MEMO1: variants seen among roughly 807,000 people sequenced by gnomAD.
The protein encoded by MEMO1 is mediator of cell motility 1.
In MEMO1, 6 loss-of-function variants were observed where a neutral mutation model predicts 45.2. The ratio of observed to expected loss-of-function variants is 0.13; its 90% CI spans 0.07 to 0.26. The LOEUF (loss-of-function observed/expected upper bound fraction) is 0.26, where lower values mean the gene tolerates loss of function less well. MEMO1 is among the 10% of genes least tolerant of loss of function. MEMO1 has a pLI of 1.00. For missense variants in MEMO1, 184 were observed against 370.5 expected (o/e 0.50, Z 4.13); for synonymous variants, 78 against 124.3 (o/e 0.63, Z 2.48).
At chr2:31,916,454 T>G (rs1681460916) in intron 6 of MEMO1, among the ~76,000 whole-genome samples, 1 of 152,156 alleles carries the variant, frequency 6.6e-6, no homozygotes, top group African/African-American at 2.4e-5. Flanking sequence ...GTCTTGAACT[T>G]CTGGGCTCAA....
chr2:32,003,090 A>G (rs1323782121), intron 2 of MEMO1, among the ~76,000 whole-genome samples: 1 of 152,186 alleles, frequency 6.6e-6, no homozygotes, highest in Non-Finnish European at 1.5e-5. Flanking sequence ...TTTCCCACAC[A>G]CCAAGATGTA....
rs183789123 is a variant in MEMO1 at position 31,970,926 on chromosome 2, C to T, written c.62-27543G>A. On this transcript the variant is annotated intron_variant, in intron 2 of 9. Coordinates refer to ENST00000404530, the MANE Select transcript of MEMO1 (RefSeq NM_001301833.4). ...GGCTGAAACAGGAAAATCACTTGAACCCAGAAGGTGGAGGTTGCAGTGAGC... is the reference window on the plus strand; with the variant it reads ...GGCTGAAACAGGAAAATCACTTGAATCCAGAAGGTGGAGGTTGCAGTGAGC... 5.9e-3 allele frequency among the ~76,000 whole-genome samples: 892 copies of T among 152,288 alleles called. 8 individuals are homozygous for T. The highest frequency in any genetic ancestry group is 0.011 in the Non-Finnish European group (723 of 68,032).
At position 31,962,566 on chromosome 2, in the gene MEMO1, A is replaced by G. The variant is rs373238702; in HGVS notation, c.62-19183T>C. Among the ~76,000 whole-genome samples the G allele has an allele frequency of 5.9e-5, 9 of 152,338 alleles. No homozygotes were observed. In the East Asian group the frequency reaches 1.7e-3, roughly 29 times the overall value. ...AGTAAACACCAAAAACCTCCTTCCC[A>G]AAAGTGAGAAAAGGCATCTAAAAAT... is the stretch of plus-strand genomic sequence containing the variant. On this transcript the variant is annotated intron_variant, in intron 2 of 9. Coordinates refer to ENST00000404530, the MANE Select transcript of MEMO1 (RefSeq NM_001301833.4).
intron 2 of MEMO1, among the ~76,000 whole-genome samples, chr2:31,971,641 A>T (rs1163787378): frequency 6.6e-6 from 1 of 152,124 alleles, no homozygotes; most frequent in Admixed American, 6.5e-5. Flanking sequence ...CTTGCAAAGT[A>T]GCTGGAACTA....
chr2:31,907,587 G>A lies in MEMO1; in HGVS notation c.437+10339C>T, dbSNP rs186110244. The stretch of plus-strand genomic sequence containing the variant: ...AGGCAGGCAGATCACTTGAGCCCAG[G>A]AGTTCAAGATCAGCCTGGGCAACAT... On this transcript the variant is annotated intron_variant, in intron 6 of 9. Transcript: ENST00000404530. Among the ~76,000 whole-genome samples the A allele has an allele frequency of 6.6e-5, 10 of 152,244 alleles. No homozygotes were observed. In the East Asian group the frequency reaches 9.6e-4, roughly 15 times the overall value.
rs1308507998 is a variant in MEMO1 at position 31,868,287 on chromosome 2, C to T, written c.*74G>A. ...AATCCCCCCAAACCAGGACCAGTAT[C>T]GTGGTAAAGGCTAGGCTGGGACCCC... On this transcript the variant is annotated 3_prime_UTR_variant, in exon 10 of 10. Coordinates refer to ENST00000404530, the MANE Select transcript of MEMO1 (RefSeq NM_001301833.4). 2.9e-6 allele frequency: 4 copies of T among 1,358,930 alleles called. No individual in the cohort carries two copies. The highest frequency in any genetic ancestry group is 3.8e-6 in the Non-Finnish European group (4 of 1,048,484). 84.2% of individuals were successfully genotyped at this position (1,358,930 alleles called of 1,614,324 possible).
chr2:31,868,933 G>A (rs576685661), intron 9 of MEMO1, among the ~76,000 whole-genome samples: 2 of 152,152 alleles, frequency 1.3e-5, no homozygotes, highest in South Asian at 2.1e-4. Flanking sequence ...TTTAATTGTC[G>A]ATTGGTTCAG....
intron 2 of MEMO1, among the ~76,000 whole-genome samples, chr2:31,995,421 T>A (rs577685086): frequency 6.6e-6 from 1 of 152,166 alleles, no homozygotes; most frequent in African/African-American, 2.4e-5. Context: ...ACCACTGCAC[T>A]CCAGCCTGGG....
At chr2:31,998,171 C>G (rs1049410890) in intron 2 of MEMO1, among the ~76,000 whole-genome samples, 1 of 152,130 alleles carries the variant, frequency 6.6e-6, no homozygotes, top group Admixed American at 6.5e-5. Flanking sequence ...ATGTGCCAAC[C>G]ACACCTGGCT....
rs180708596 is a variant in MEMO1 at position 31,912,062 on chromosome 2, G to A, written c.437+5864C>T. ...TAAAAAGCAATTATAGGCTGGGAGC[G>A]GTGGGTCACACCTATAACCCTAGCA... On this transcript the variant is annotated intron_variant, in intron 6 of 9. Transcript: ENST00000404530. Among the ~76,000 whole-genome samples, 243 of 152,230 alleles carry A rather than the reference G, an allele frequency of 1.6e-3. 1 individual carries two copies. The highest frequency in any genetic ancestry group is 5.3e-3 in the African/African-American group (222 of 41,548).
chr2:31,980,621 T>A (rs188014154), intron 2 of MEMO1, among the ~76,000 whole-genome samples: 35 of 152,276 alleles, frequency 2.3e-4, no homozygotes, highest in Non-Finnish European at 4.7e-4. Flanking sequence ...TAAGATGATA[T>A]AGGATACAGT....
chr2:31,968,344 T>C (rs569227327), intron 2 of MEMO1, among the ~76,000 whole-genome samples: 5 of 152,316 alleles, frequency 3.3e-5, no homozygotes, highest in Admixed American at 3.3e-4. Flanking sequence ...GACCCAAAGA[T>C]GTCTACACCC....
In MEMO1 at chr2:31,918,085, C is replaced by T. The variant is rs1220794936; in HGVS notation, c.326-48G>A. On this transcript the variant is annotated intron_variant, in intron 5 of 9. Transcript: ENST00000404530. ...TAAAATAAATATATTAATGTATATC[C>T]TTATCCTGTGAGATTCCACCCAGTA... 8.3e-6 allele frequency: 11 copies of T among 1,327,998 alleles called. No individual in the cohort carries two copies. In the Admixed American group the frequency reaches 1.7e-4, roughly 21 times the overall value. The allele number at this position is 1,327,998 out of a possible 1,614,324, so 82.3% of individuals were successfully genotyped here. A position where few individuals can be genotyped will look rare whatever the true frequency, so the allele number is the denominator to read the frequency against.
intron 4 of MEMO1, among the ~76,000 whole-genome samples, chr2:31,931,120 CTTTAT>C (rs1383470549): frequency 6.6e-6 from 1 of 152,042 alleles, no homozygotes; most frequent in Non-Finnish European, 1.5e-5. Flanking sequence ...AATATTATTG[CTTTAT>C]TTTTAGTAAA....
At chr2:32,010,885 A>T (rs1386829151) in intron 1 of MEMO1, 57 bp downstream of exon 1, 1 of 152,552 alleles carries the variant, frequency 6.6e-6, no homozygotes, top group Admixed American at 6.5e-5. Context: ...ACAAAAGCCC[A>T]GGGCCGGGGC....
At chr2:31,979,089 T>C (rs1572877198) in intron 2 of MEMO1, among the ~76,000 whole-genome samples, 8 of 151,836 alleles carry the variant, frequency 5.3e-5, no homozygotes, top group Admixed American at 5.3e-4. Flanking sequence ...TGGCAGAAGG[T>C]GAGGGGGAAG....
intron 6 of MEMO1, among the ~76,000 whole-genome samples, chr2:31,900,519 C>T (rs921690120): frequency 2.0e-5 from 3 of 151,308 alleles, no homozygotes; most frequent in Admixed American, 6.6e-5. Context: ...CATCACACAC[C>T]GGGGCCTGTT....
At chr2:32,002,170 TATATATATATATATATACACAC>T (rs1255996836) in intron 2 of MEMO1, among the ~76,000 whole-genome samples, 7 of 96,942 alleles carry the variant, frequency 7.2e-5, no homozygotes, top group Non-Finnish European at 1.2e-4. Context: ...AAAAAAAAAA[TATATATATATATATATACACAC>T]ACACACACAC....
At chr2:31,926,070 C>G (rs1466097683) in intron 4 of MEMO1, among the ~76,000 whole-genome samples, 1 of 152,024 alleles carries the variant, frequency 6.6e-6, no homozygotes, top group African/African-American at 2.4e-5. Context: ...AGAAGATTTC[C>G]CCAAAGTGAA....
Sources: allele counts gnomAD v4.1 joint callset (sites outside exome capture counted in the v4.1 genomes callset), GRCh38; gene constraint gnomAD v4.1.1; transcripts MANE v1.5; gene names NCBI Gene and HGNC (gene_info 2026-07-23, HGNC 2026-07-21).